Variants in ATXN7 observed in about 807,000 individuals in gnomAD.
ATXN7 encodes the protein ataxin-7.
In ATXN7, 12 loss-of-function variants were observed where a neutral mutation model predicts 70.5. That is an observed-to-expected ratio of 0.17 (90% CI 0.11 to 0.28). The LOEUF (loss-of-function observed/expected upper bound fraction) is 0.28. ATXN7 is among the 10% of genes least tolerant of loss of function. The pLI, the probability that ATXN7 is intolerant of heterozygous loss-of-function variation, is 1.00. For synonymous variants in ATXN7, 498 were observed against 448.7 expected, an observed-to-expected ratio of 1.11 and a Z score of -1.39; for missense variants, 1,256 against 1,131.7, an observed-to-expected ratio of 1.11 and a Z score of -1.58.
rs17069627 is a variant in ATXN7 at position 63,996,544 on chromosome 3, T to C, written c.2661+61T>C. 3.6e-3 allele frequency: 5,591 copies of C among 1,554,496 alleles called. 149 individuals carry two copies. In the African/African-American group the frequency reaches 0.061, roughly 17 times the overall value. On this transcript the variant is annotated intron_variant, in intron 12 of 12. Transcript: ENST00000674280. The stretch of plus-strand genomic sequence containing the variant: ...ATTTCTTCTCCCTTAAGATCTTTTG[T>C]CAGCTCAGAAATGTGTTTGGTTGGG...
chr3:63,887,749 C>A (rs1020593139), intron 1 of ATXN7, among the ~76,000 whole-genome samples: 2 of 152,036 alleles, frequency 1.3e-5, no homozygotes, highest in Admixed American at 6.6e-5. Context: ...CCACACCCAG[C>A]TAATTTTTGT....
chr3:63,891,488 A>C (rs1703261931), intron 1 of ATXN7, among the ~76,000 whole-genome samples: 1 of 150,958 alleles, frequency 6.6e-6, no homozygotes. Flanking sequence ...CTGGCTAATT[A>C]TTTATTTTAA....
In ATXN7 at chr3:63,970,079, TC is replaced by T. The variant is rs757680613; in HGVS notation, c.500-9834del. The stretch of plus-strand genomic sequence containing the variant: ...GCTCTCTGAGGATAGCAGAGAGAAG[TC>T]CTTATGGCTGTTAGCAAAGTAGAAG... On this transcript the variant is annotated intron_variant, in intron 5 of 12. Transcript: ENST00000674280. Among the ~76,000 whole-genome samples, 19 of 152,318 alleles carry T rather than the reference TC, an allele frequency of 1.2e-4. 1 individual carries two copies. In the Middle Eastern group the frequency reaches 0.01, roughly 82 times the overall value.
rs561776988 is a variant in ATXN7, at chr3:63,972,052, C to G, written c.500-7863C>G. On this transcript the variant is annotated intron_variant, in intron 5 of 12. Transcript: ENST00000674280. Reference sequence around the variant, plus strand: ...ACACATGATGCCAATTGACACCTCACGAGTTGTGTTTGGTGGCCTGGAAAT... The same window carrying G: ...ACACATGATGCCAATTGACACCTCAGGAGTTGTGTTTGGTGGCCTGGAAAT... Among the ~76,000 whole-genome samples, 119 of 152,140 alleles carry G rather than the reference C, an allele frequency of 7.8e-4. 1 individual carries two copies. Among genetic ancestry groups the G allele is most frequent in the African/African-American group, 2.7e-3 (112 of 41,494 alleles).
chr3:63,965,300 T>C (rs1201798675), intron 5 of ATXN7, among the ~76,000 whole-genome samples: 1 of 152,174 alleles, frequency 6.6e-6, no homozygotes, highest in Non-Finnish European at 1.5e-5. Context: ...GAGGAGGCAG[T>C]ATCAGTCCTT....
At chr3:63,898,812 A>G (rs573630611) in intron 2 of ATXN7, among the ~76,000 whole-genome samples, 1 of 152,250 alleles carries the variant, frequency 6.6e-6, no homozygotes, top group Admixed American at 6.5e-5. Flanking sequence ...TTTTTTCTGG[A>G]AGTTATCCAA....
At chr3:63,994,121 G>A (rs184956427) in intron 11 of ATXN7, among the ~76,000 whole-genome samples, 1 of 152,162 alleles carries the variant, frequency 6.6e-6, no homozygotes, top group African/African-American at 2.4e-5. Context: ...TGGTGTAATC[G>A]TTATGGATGT....
At chr3:63,967,437 T>C (rs544825048) in intron 5 of ATXN7, among the ~76,000 whole-genome samples, 2 of 152,340 alleles carry the variant, frequency 1.3e-5, no homozygotes, top group African/African-American at 4.8e-5. Flanking sequence ...AAATAAAACC[T>C]GGAAAAATGC....
chr3:63,993,746 G>C (rs148718753), intron 11 of ATXN7, among the ~76,000 whole-genome samples: 1 of 152,116 alleles, frequency 6.6e-6, no homozygotes. Flanking sequence ...TCCTTTCCTC[G>C]AGATTTGGTT....
chr3:63,937,895 G>A (rs967708495), intron 4 of ATXN7, among the ~76,000 whole-genome samples: 1 of 152,154 alleles, frequency 6.6e-6, no homozygotes, highest in Non-Finnish European at 1.5e-5. Flanking sequence ...ATACTACAGG[G>A]TTGCAAGGAT....
chr3:63,942,564 A>G (rs1327627814), intron 4 of ATXN7, among the ~76,000 whole-genome samples: 3 of 152,174 alleles, frequency 2.0e-5, no homozygotes, highest in East Asian at 1.9e-4. Context: ...CCATTCATGT[A>G]TTTATTCAGT....
chr3:63,944,806 GT>G (rs2074831431), intron 4 of ATXN7, among the ~76,000 whole-genome samples: 1 of 151,680 alleles, frequency 6.6e-6, no homozygotes, highest in Non-Finnish European at 1.5e-5. Context: ...TTGTTTGTTT[GT>G]TTGAGACAGA....
intron 4 of ATXN7, among the ~76,000 whole-genome samples, chr3:63,929,253 TTCTC>T (rs1306394597): frequency 1.4e-3 from 214 of 151,158 alleles, no homozygotes; most frequent in African/African-American, 1.7e-3. Context: ...CTAGGAAGCT[TTCTC>T]TCTCTCTCTC....
chr3:63,985,187 C>G (rs987251068), intron 8 of ATXN7, among the ~76,000 whole-genome samples: 1 of 152,178 alleles, frequency 6.6e-6, no homozygotes, highest in African/African-American at 2.4e-5. Context: ...AACTCAAAAT[C>G]TTCAAGGAGC....
At chr3:63,955,628 C>T (rs1395039636) in intron 5 of ATXN7, among the ~76,000 whole-genome samples, 1 of 152,114 alleles carries the variant, frequency 6.6e-6, no homozygotes, top group Admixed American at 6.5e-5. Context: ...TTTTAGAAAG[C>T]CAGTTGTTGC....
At chr3:63,876,851 T>C (rs1353077174) in intron 1 of ATXN7, among the ~76,000 whole-genome samples, 1 of 152,248 alleles carries the variant, frequency 6.6e-6, no homozygotes, top group Non-Finnish European at 1.5e-5. Context: ...CTTAGCCATA[T>C]AACTGCATAT....
chr3:63,926,921 T>C (rs1427189958), intron 4 of ATXN7, among the ~76,000 whole-genome samples: 2 of 152,118 alleles, frequency 1.3e-5, no homozygotes, highest in Non-Finnish European at 2.9e-5. Context: ...CGGTGTTTGG[T>C]TTTCTGTTCC....
At chr3:63,878,515 T>C (rs1702810665) in intron 1 of ATXN7, 1 of 152,252 alleles carries the variant, frequency 6.6e-6, no homozygotes, top group African/African-American at 2.4e-5. Flanking sequence ...TGATAACTGC[T>C]CACATGCAAA....
intron 5 of ATXN7, among the ~76,000 whole-genome samples, chr3:63,971,656 C>A (rs764081277): frequency 5.3e-5 from 8 of 151,772 alleles, no homozygotes; most frequent in Non-Finnish European, 1.0e-4. Flanking sequence ...TTTTAATATT[C>A]GTGAGAAAAA....
Sources: gnomAD v4.1 joint callset for allele counts (sites outside exome capture counted in the v4.1 genomes callset) on GRCh38, gnomAD v4.1.1 for gene constraint, MANE v1.5 for transcripts, NCBI Gene and HGNC (gene_info 2026-07-23, HGNC 2026-07-21) for gene names.